EYS: variants seen among roughly 807,000 people sequenced by gnomAD.
The protein encoded by EYS is protein eyes shut homolog.
A neutral mutation model predicts 282.1 loss-of-function variants in EYS; 250 were observed. The ratio of observed to expected loss-of-function variants is 0.89; its 90% confidence interval spans 0.80 to 0.98. The LOEUF is 0.98. EYS is among the 50% of genes least tolerant of loss of function. The pLI is 0.00. For synonymous variants in EYS, 1,355 were observed against 1,282.9 expected (o/e 1.06, Z -1.20); for missense variants, 4,016 against 3,709.0 (o/e 1.08, Z -2.15).
intron 19 of EYS, 87 bp downstream of exon 19, chr6:64,886,610 A>G (rs947720903): frequency 4.5e-6 from 5 of 1,100,286 alleles, no homozygotes; most frequent in African/African-American, 1.7e-5. Flanking sequence ...CTGGCAGATT[A>G]TTTCAGGTTT....
chr6:64,832,834 C>T (rs1337951809), intron 19 of EYS, among the ~76,000 whole-genome samples: 1 of 151,850 alleles, frequency 6.6e-6, no homozygotes, highest in Non-Finnish European at 1.5e-5. Flanking sequence ...TGATTTCTAC[C>T]TCATAGGGCT....
intron 12 of EYS, among the ~76,000 whole-genome samples, chr6:65,259,922 T>C (rs544045479): frequency 2.5e-4 from 38 of 152,132 alleles, no homozygotes; most frequent in Non-Finnish European, 4.9e-4. Flanking sequence ...TTCTCATCTG[T>C]AAAGTGAAGT....
chr6:65,107,508 T>C (rs1027372294), intron 12 of EYS, among the ~76,000 whole-genome samples: 2 of 151,942 alleles, frequency 1.3e-5, no homozygotes, highest in African/African-American at 2.4e-5. Context: ...CTAACTTTTA[T>C]GGTGTAAGAA....
intron 12 of EYS, among the ~76,000 whole-genome samples, chr6:65,181,752 T>C (rs1411549846): frequency 6.6e-6 from 1 of 152,074 alleles, no homozygotes; most frequent in East Asian, 1.9e-4. Flanking sequence ...TAAAGACACA[T>C]GCACACGTAT....
intron 11 of EYS, chr6:65,301,036 C>T (rs1378681468): frequency 6.6e-6 from 1 of 152,112 alleles, no homozygotes; most frequent in East Asian, 1.9e-4. Flanking sequence ...ATGGTCCCAC[C>T]CTCAGGAATG....
chr6:64,279,013 A>G (rs1340212744), intron 30 of EYS, among the ~76,000 whole-genome samples: 1 of 152,072 alleles, frequency 6.6e-6, no homozygotes, highest in East Asian at 1.9e-4. Context: ...CTCAACCAAA[A>G]TCTTTACTAA....
At chr6:64,313,938 G>A (rs1305799980) in intron 29 of EYS, among the ~76,000 whole-genome samples, 2 of 151,958 alleles carry the variant, frequency 1.3e-5, no homozygotes, top group African/African-American at 4.8e-5. Flanking sequence ...GACCACTGAC[G>A]CTATGAAGAA....
intron 22 of EYS, among the ~76,000 whole-genome samples, chr6:64,627,941 G>C (rs1042905269): frequency 6.6e-6 from 1 of 152,134 alleles, no homozygotes; most frequent in African/African-American, 2.4e-5. Context: ...TTAGCCGGGC[G>C]TGGTGGCGGG....
intron 8 of EYS, among the ~76,000 whole-genome samples, chr6:65,368,836 G>A (rs1765018570): frequency 6.6e-6 from 1 of 151,492 alleles, no homozygotes; most frequent in Admixed American, 6.7e-5. Flanking sequence ...AATTAATGAA[G>A]TTCTTTCAGA....
chr6:64,107,523 A>G (rs1773070269), intron 31 of EYS, among the ~76,000 whole-genome samples: 1 of 151,456 alleles, frequency 6.6e-6, no homozygotes, highest in African/African-American at 2.4e-5. Flanking sequence ...CCTACCTTAT[A>G]TGTGCTGGCA....
At chr6:64,915,211 C>A (rs1768122166) in intron 15 of EYS, among the ~76,000 whole-genome samples, 2 of 152,108 alleles carry the variant, frequency 1.3e-5, no homozygotes, top group African/African-American at 4.8e-5. Context: ...ACTAATCCTA[C>A]AAATTATTTC....
intron 32 of EYS, among the ~76,000 whole-genome samples, chr6:64,068,227 A>G (rs1038062204): frequency 6.6e-6 from 1 of 152,170 alleles, no homozygotes; most frequent in African/African-American, 2.4e-5. Context: ...GGTGAAGTTG[A>G]ACATATTCTC....
At chr6:65,332,180 T>C in intron 11 of EYS, 1 of 507,730 alleles carries the variant, frequency 2.0e-6, no homozygotes, top group Non-Finnish European at 3.5e-6. Context: ...TTATTCTTTA[T>C]TTGTTGAGTG....
At chr6:64,403,362 ATTT>A (rs901703299) in intron 28 of EYS, among the ~76,000 whole-genome samples, 1 of 150,610 alleles carries the variant, frequency 6.6e-6, no homozygotes, top group Admixed American at 6.6e-5. Flanking sequence ...AAACAAAGTA[ATTT>A]TTTTTTTCTG....
chr6:64,080,493 C>T (rs1337955220), intron 32 of EYS, among the ~76,000 whole-genome samples: 2 of 151,928 alleles, frequency 1.3e-5, no homozygotes, highest in African/African-American at 4.8e-5. Flanking sequence ...AAATTTTCTC[C>T]CATTCTGTAG....
chr6:65,670,672 A>G lies in EYS; in HGVS notation c.-447-30780T>C, dbSNP rs147048304. Among the ~76,000 whole-genome samples the G allele has an allele frequency of 1.1e-4, 17 of 152,194 alleles. No homozygotes were observed. The East Asian group carries it at 3.3e-3, about 29-fold the overall frequency. ...TAATAAGATCAAACAATCAGACCTTATTTCAAGAAAAAAGCCCTGCTACTT... is the reference window on the plus strand; with the variant it reads ...TAATAAGATCAAACAATCAGACCTTGTTTCAAGAAAAAAGCCCTGCTACTT... On this transcript the variant is annotated intron_variant, in intron 1 of 42. Transcript: ENST00000503581.
At chr6:65,045,015 T>C (rs534707068) in intron 13 of EYS, among the ~76,000 whole-genome samples, 1 of 151,980 alleles carries the variant, frequency 6.6e-6, no homozygotes, top group South Asian at 2.1e-4. Flanking sequence ...AGCTTCTTTC[T>C]TTCAAAGCTT....
intron 29 of EYS, among the ~76,000 whole-genome samples, chr6:64,341,445 C>T (rs1162173138): frequency 6.6e-6 from 1 of 151,658 alleles, no homozygotes; most frequent in African/African-American, 2.4e-5. Context: ...ATGCTAGAAC[C>T]CAAAGCCAAA....
chr6:64,001,955 A>G (rs181961575), intron 33 of EYS, among the ~76,000 whole-genome samples: 19 of 152,280 alleles, frequency 1.2e-4, no homozygotes, highest in Admixed American at 9.8e-4. Flanking sequence ...ACTAAATGAG[A>G]ATAGGCACTC....
Sources: allele counts gnomAD v4.1 joint callset (sites outside exome capture counted in the v4.1 genomes callset), GRCh38; gene constraint gnomAD v4.1.1; transcripts MANE v1.5; gene names NCBI Gene and HGNC (gene_info 2026-07-23, HGNC 2026-07-21).